The following METTL15 variants were observed in gnomAD, a reference collection of about 807,000 sequenced individuals.
The protein encoded by METTL15 is methyltransferase 15, mitochondrial 12S rRNA N4-cytidine.
A neutral mutation model predicts 38.3 loss-of-function variants in METTL15; 34 were observed. The observed-to-expected ratio is 0.89, with a 90% CI of 0.68 to 1.18. The LOEUF is 1.18. METTL15 is among the 50% of genes most tolerant of loss of function. The probability of loss-of-function intolerance (pLI) is 0.00; values close to 1 mark genes in which losing one functional copy is unlikely to be tolerated. For synonymous variants in METTL15, 162 were observed against 170.9 expected (o/e 0.95, Z 0.41); for missense variants, 438 against 498.4 (o/e 0.88, Z 1.15).
intron 4 of METTL15, among the ~76,000 whole-genome samples, chr11:28,246,113 G>T (rs978073858): frequency 6.6e-6 from 1 of 152,032 alleles, no homozygotes; most frequent in Admixed American, 6.6e-5. Context: ...AAGAAATAAA[G>T]CAATGTTTGG....
At chr11:28,307,351 A>G (rs897402412) in intron 6 of METTL15, among the ~76,000 whole-genome samples, 5 of 151,928 alleles carry the variant, frequency 3.3e-5, no homozygotes, top group Non-Finnish European at 1.5e-5. Context: ...AAAACTTGAT[A>G]TATTATGTCT....
chr11:28,318,034 T>C (rs1296054172), intron 6 of METTL15, among the ~76,000 whole-genome samples: 1 of 152,300 alleles, frequency 6.6e-6, no homozygotes, highest in South Asian at 2.1e-4. Context: ...TACCAGAAAT[T>C]TACCTACTGT....
At chr11:28,466,957 G>A (rs1851262021) in intron 6 of METTL15, among the ~76,000 whole-genome samples, 1 of 152,112 alleles carries the variant, frequency 6.6e-6, no homozygotes, top group East Asian at 1.9e-4. Context: ...GGTTTCTTTT[G>A]TTTGTTTGTT....
intron 5 of METTL15, among the ~76,000 whole-genome samples, chr11:28,366,286 G>A (rs1850184771): frequency 1.3e-5 from 2 of 152,096 alleles, no homozygotes; most frequent in South Asian, 4.1e-4. Context: ...GAATCCATAT[G>A]GCAGAAGAGC....
At chr11:28,338,115 G>GCT (rs1849918147), downstream of METTL15, among the ~76,000 whole-genome samples, 1 of 149,330 alleles carries the variant, frequency 6.7e-6, no homozygotes, top group South Asian at 2.1e-4. Flanking sequence ...ACTTGGTTCA[G>GCT]TCAATTTTAC....
At chr11:28,339,063 T>C (rs1206293109) in intron 3 of METTL15, among the ~76,000 whole-genome samples, 1 of 152,098 alleles carries the variant, frequency 6.6e-6, no homozygotes, top group East Asian at 1.9e-4. Flanking sequence ...AACTGGACCT[T>C]GAAGGAATTG....
intron 6 of METTL15, among the ~76,000 whole-genome samples, chr11:28,486,333 A>G (rs1293241574): frequency 6.6e-6 from 1 of 152,042 alleles, no homozygotes; most frequent in Admixed American, 6.6e-5. Flanking sequence ...GACCTCTTGG[A>G]TCAGGCTCTC....
At chr11:28,285,986 C>CAG (rs1207769513) in intron 4 of METTL15, among the ~76,000 whole-genome samples, 3 of 152,024 alleles carry the variant, frequency 2.0e-5, no homozygotes, top group Admixed American at 6.6e-5. Context: ...ACCTCTTGAG[C>CAG]AGAGATATTA....
chr11:28,308,410 G>T (rs1857153312), intron 6 of METTL15, among the ~76,000 whole-genome samples: 1 of 151,848 alleles, frequency 6.6e-6, no homozygotes, highest in Non-Finnish European at 1.5e-5. Context: ...CTATCTCTGT[G>T]TTATAATCTA....
chr11:28,282,115 G>T (rs1376077712), intron 4 of METTL15, among the ~76,000 whole-genome samples: 1 of 152,114 alleles, frequency 6.6e-6, no homozygotes, highest in Non-Finnish European at 1.5e-5. Context: ...AACATGACTA[G>T]GTCTATATAC....
At chr11:28,456,705 G>C (rs1035513427) in intron 6 of METTL15, among the ~76,000 whole-genome samples, 2 of 152,098 alleles carry the variant, frequency 1.3e-5, no homozygotes, top group South Asian at 2.1e-4. Context: ...TTCCCACAGT[G>C]CTGGGATTAC....
At chr11:28,239,324 T>G (rs1590206033) in intron 4 of METTL15, among the ~76,000 whole-genome samples, 1 of 152,200 alleles carries the variant, frequency 6.6e-6, no homozygotes, top group Admixed American at 6.5e-5. Flanking sequence ...TCAGGCAAAA[T>G]AAAATTCTTT....
intron 3 of METTL15, among the ~76,000 whole-genome samples, chr11:28,131,044 C>A (rs192323691): frequency 6.6e-6 from 1 of 152,024 alleles, no homozygotes; most frequent in African/African-American, 2.4e-5. Flanking sequence ...TCCTGTAGCT[C>A]ACCCATTAAG....
rs187458743 is a variant in METTL15, at chr11:28,113,179, T to C, written c.-17-139T>C. On this transcript the variant is annotated intron_variant, in intron 2 of 6. Transcript: ENST00000407364. ...ATATATAAGAAGGGTTTGTCACCTT[T>C]ACTTGTTTAAGATGTTAGGATCATG... 1,882 of 584,476 alleles carry C rather than the reference T, an allele frequency of 3.2e-3. 7 individuals carry two copies. The highest frequency in any genetic ancestry group is 2.8e-3 in the Non-Finnish European group (954 of 335,868). 36.2% of individuals were successfully genotyped at this position (584,476 alleles called of 1,614,324 possible).
At chr11:28,140,515 G>A (rs1849662208) in intron 3 of METTL15, among the ~76,000 whole-genome samples, 1 of 152,068 alleles carries the variant, frequency 6.6e-6, no homozygotes. Context: ...AAAGCAAAAG[G>A]TTTCAGATCT....
intron 3 of METTL15, 131 bp from the exon 4 acceptor site, chr11:28,210,931 C>T: frequency 4.1e-6 from 4 of 976,294 alleles, no homozygotes; most frequent in Non-Finnish European, 5.9e-6. Flanking sequence ...ACTATAGGCA[C>T]AACGATTGTA....
At chr11:28,266,291 A>G (rs1855415010) in intron 4 of METTL15, among the ~76,000 whole-genome samples, 1 of 152,212 alleles carries the variant, frequency 6.6e-6, no homozygotes, top group Non-Finnish European at 1.5e-5. Context: ...TCACAATAGC[A>G]AAGACTTGGA....
chr11:28,208,528 A>C (rs1192523184), intron 3 of METTL15, among the ~76,000 whole-genome samples: 1 of 152,062 alleles, frequency 6.6e-6, no homozygotes, highest in Non-Finnish European at 1.5e-5. Context: ...CTTTACTTCC[A>C]AGTATGTGGT....
chr11:28,253,700 G>A (rs10835298), intron 4 of METTL15, among the ~76,000 whole-genome samples: 69,555 of 147,000 alleles, frequency 0.47, 17,622 homozygotes, highest in Admixed American at 0.58. Context: ...GAGTTCAATT[G>A]TTTTGATTTT....
Sources: allele counts gnomAD v4.1 joint callset (sites outside exome capture counted in the v4.1 genomes callset), GRCh38; gene constraint gnomAD v4.1.1; transcripts MANE v1.5; gene names NCBI Gene and HGNC (gene_info 2026-07-23, HGNC 2026-07-21).